CASK: variants seen among roughly 807,000 people sequenced by gnomAD.
CASK encodes the protein peripheral plasma membrane protein CASK.
A neutral mutation model predicts 82.9 loss-of-function variants in CASK; 4 were observed. The observed-to-expected ratio is 0.05, with a 90% confidence interval of 0.02 to 0.11. CASK has a LOEUF of 0.11. Ranked by LOEUF, CASK falls within the 10% of genes least tolerant of loss-of-function variation. The pLI is 1.00. For missense variants in CASK, 358 were observed against 720.9 expected (o/e 0.50, Z 5.76); for synonymous variants, 259 against 253.5 (o/e 1.02, Z -0.20).
intron 1 of CASK, among the ~76,000 whole-genome samples, chrX:41,889,309 CTT>C (rs200032761): frequency 9.5e-6 from 1 of 105,505 alleles, no homozygotes. Flanking sequence ...ATGCCAACAT[CTT>C]TTTTTTTTTA....
intron 2 of CASK, among the ~76,000 whole-genome samples, chrX:41,817,717 T>C: frequency 9.0e-6 from 1 of 111,049 alleles, no homozygotes; most frequent in Non-Finnish European, 1.9e-5. Flanking sequence ...GATATACAAT[T>C]GTATATCAGT....
In CASK at chrX:41,675,186, G is replaced by A. The variant is rs1334546377; in HGVS notation, c.430-3656C>T. 2.7e-5 allele frequency among the ~76,000 whole-genome samples: 3 copies of A among 112,292 alleles called. No homozygotes were observed. In the East Asian group the frequency reaches 8.3e-4, roughly 31 times the overall value. ...TGTGAACCGTTTCTGCCCTTATCCA[G>A]AGTAAAATGGGTCACAACTTTGTCT... is the stretch of plus-strand genomic sequence containing the variant. On this transcript the variant is annotated intron_variant, in intron 5 of 26. Transcript: ENST00000378163.
intron 13 of CASK, chrX:41,587,261 A>C (rs2065670509): frequency 4.7e-6 from 1 of 211,755 alleles, no homozygotes; most frequent in Admixed American, 6.9e-5. Flanking sequence ...ACATATATTT[A>C]TTACAGATTT....
At chrX:41,570,272 C>G (rs1369515594) in intron 15 of CASK, among the ~76,000 whole-genome samples, 1 of 111,048 alleles carries the variant, frequency 9.0e-6, no homozygotes, top group Non-Finnish European at 1.9e-5. Flanking sequence ...CCTGCTTTGG[C>G]CTCCCAAAGT....
intron 3 of CASK, among the ~76,000 whole-genome samples, chrX:41,785,682 T>G (rs2069582881): frequency 8.9e-6 from 1 of 112,194 alleles, no homozygotes; most frequent in Admixed American, 9.4e-5. Context: ...TGCTACAAAC[T>G]TGTAAAAATA....
intron 1 of CASK, among the ~76,000 whole-genome samples, chrX:41,887,530 G>A (rs1374965685): frequency 9.0e-6 from 1 of 111,124 alleles, no homozygotes; most frequent in Non-Finnish European, 1.9e-5. Context: ...GAATCACCTT[G>A]GATTTAAAAA....
chrX:41,534,993 A>C lies in CASK; in HGVS notation c.2156-20T>G. On this transcript the variant is annotated intron_variant, in intron 22 of 26. Coordinates refer to ENST00000378163, the MANE Select transcript of CASK (RefSeq NM_001367721.1). ...CAAACACTAAAACGCAAAGATTTAG[A>C]AGAAAGGTAAATTTGTAGAATGACT... The C allele has an allele frequency of 9.9e-7, 1 of 1,012,708 alleles. No individual in the cohort carries two copies. The highest frequency in any genetic ancestry group is 1.4e-6 in the Non-Finnish European group (1 of 721,682). 83.5% of individuals were successfully genotyped at this position (1,012,708 alleles called of 1,213,427 possible). A position where few individuals can be genotyped will look rare whatever the true frequency, so the allele number is the denominator to read the frequency against.
At chrX:41,830,634 C>A (rs1311166118) in intron 2 of CASK, among the ~76,000 whole-genome samples, 4 of 107,375 alleles carry the variant, frequency 3.7e-5, no homozygotes, top group African/African-American at 1.4e-4. Context: ...TCCTGGCTAA[C>A]TCGGTGAAAC....
rs779420233 is a variant in CASK, at chrX:41,780,719, G to T, written c.278+6459C>A. ...GCTGGAGTGCAGTGGTGCTATCTTG[G>T]CTCACTGCAACCTCTGCTTTCTGGG... On this transcript the variant is annotated intron_variant, in intron 3 of 26. Transcript: ENST00000378163. Among the ~76,000 whole-genome samples the T allele has an allele frequency of 2.4e-3, 265 of 111,306 alleles. 2 individuals carry two copies. Among genetic ancestry groups the T allele is most frequent in the Middle Eastern group, 0.023 (5 of 216 alleles).
intron 2 of CASK, among the ~76,000 whole-genome samples, chrX:41,788,455 A>C (rs1435409426): frequency 9.0e-6 from 1 of 111,654 alleles, no homozygotes; most frequent in East Asian, 2.8e-4. Flanking sequence ...TTATATTAGA[A>C]AGTCGAAGGG....
At chrX:41,846,038 G>A (rs2071148572) in intron 2 of CASK, among the ~76,000 whole-genome samples, 1 of 111,430 alleles carries the variant, frequency 9.0e-6, no homozygotes, top group African/African-American at 3.3e-5. Flanking sequence ...ACTAAAAATA[G>A]AGCCATCATA....
At chrX:41,912,762 C>A (rs1025955835) in intron 1 of CASK, among the ~76,000 whole-genome samples, 7 of 100,176 alleles carry the variant, frequency 7.0e-5, no homozygotes, top group Non-Finnish European at 1.2e-4. Context: ...CATAGTGAGA[C>A]CCTCTCTCCT....
At chrX:41,560,161 T>A (rs919111722) in intron 17 of CASK, among the ~76,000 whole-genome samples, 1 of 112,554 alleles carries the variant, frequency 8.9e-6, no homozygotes, top group Non-Finnish European at 1.9e-5. Flanking sequence ...TGAATATACA[T>A]TGAATTAGAC....
intron 2 of CASK, among the ~76,000 whole-genome samples, chrX:41,796,593 A>G (rs1050790030): frequency 8.9e-6 from 1 of 112,414 alleles, no homozygotes; most frequent in Non-Finnish European, 1.9e-5. Context: ...AAAACTAGAC[A>G]CACTCAAAAT....
rs762939307 is a variant in CASK at position 41,599,921 on chromosome X, C to A, written c.1155+9983G>T. ...TGTTTTAATAAAATCTTCTGAAATACGGTACTTTTTAGTATCAGATACAAG... is the reference window on the plus strand; with the variant it reads ...TGTTTTAATAAAATCTTCTGAAATAAGGTACTTTTTAGTATCAGATACAAG... On this transcript the variant is annotated intron_variant, in intron 12 of 26. Coordinates refer to ENST00000378163, the MANE Select transcript of CASK (RefSeq NM_001367721.1). Among the ~76,000 whole-genome samples, 4 of 111,861 alleles carry A rather than the reference C, an allele frequency of 3.6e-5. No homozygotes were observed. The South Asian group carries it at 1.5e-3, about 41-fold the overall frequency.
intron 21 of CASK, among the ~76,000 whole-genome samples, chrX:41,545,538 T>C (rs1441596823): frequency 1.8e-5 from 2 of 112,303 alleles, no homozygotes; most frequent in Non-Finnish European, 3.8e-5. Flanking sequence ...TCTAAACCCA[T>C]ACCTTATTAT....
chrX:41,702,411 A>G (rs1272716058), intron 5 of CASK, among the ~76,000 whole-genome samples: 1 of 107,432 alleles, frequency 9.3e-6, no homozygotes, highest in Non-Finnish European at 1.9e-5. Flanking sequence ...TAAATAAATT[A>G]CAATAAAATA....
chrX:41,728,589 C>G (rs1349064570), intron 5 of CASK: 34 of 119,886 alleles, frequency 2.8e-4, no homozygotes. Context: ...ACTAAAAATA[C>G]AAAAATCAGC....
chrX:41,862,384 T>C (rs934923500), intron 1 of CASK, among the ~76,000 whole-genome samples: 1 of 108,381 alleles, frequency 9.2e-6, no homozygotes, highest in Admixed American at 9.8e-5. Context: ...CTACTAAAAA[T>C]ACAAAAATTA....
Sources: allele counts gnomAD v4.1 joint callset (sites outside exome capture counted in the v4.1 genomes callset), GRCh38; gene constraint gnomAD v4.1.1; transcripts MANE v1.5; gene names NCBI Gene and HGNC (gene_info 2026-07-23, HGNC 2026-07-21).